NDUFB7: variants seen among roughly 807,000 people sequenced by gnomAD.
The protein encoded by NDUFB7 is NADH:ubiquinone oxidoreductase subunit B7, also known as NADH dehydrogenase [ubiquinone] 1 beta subcomplex subunit 7.
NDUFB7 carries 18 observed loss-of-function variants against 14.7 expected under a neutral mutation model. The ratio of observed to expected loss-of-function variants is 1.22; its 90% CI spans 0.85 to 1.81. The LOEUF is 1.81. Among genes scored for constraint, NDUFB7 ranks in the 40% most tolerant of loss-of-function variants. NDUFB7 has a pLI of 0.00. For synonymous variants in NDUFB7, 86 were observed against 76.1 expected, an observed-to-expected ratio of 1.13 and a Z score of -0.68; for missense variants, 219 against 195.0, an observed-to-expected ratio of 1.12 and a Z score of -0.73.
intron 1 of NDUFB7, 71 bp downstream of exon 1, chr19:14,571,818 G>T: frequency 7.0e-7 from 1 of 1,428,228 alleles, no homozygotes; most frequent in Non-Finnish European, 9.6e-7. Context: ...TGGGGTGCCA[G>T]CCCTGGGGTG....
At chr19:14,570,606 G>A (rs1478308864) in intron 1 of NDUFB7, among the ~76,000 whole-genome samples, 1 of 152,202 alleles carries the variant, frequency 6.6e-6, no homozygotes, top group Non-Finnish European at 1.5e-5. Context: ...CAAAGTGCTG[G>A]GATTACAGGC....
chr19:14,566,855 A>C lies in NDUFB7; in HGVS notation c.191T>G (p.Ile64Ser). Residue 64 changes from isoleucine (I) to serine (S), a missense_variant, in exon 2 of 3, where the codon ATC becomes AGC. Ile to Ser is a moderately radical substitution (Grantham distance 142). Transcript: ENST00000215565. Reference sequence around the variant, plus strand: ...GTCACGCTTGCACTTGAGCAGCCGGATGAGGTGGTGGGCGCAGTAGTCCCG... The same window carrying C: ...GTCACGCTTGCACTTGAGCAGCCGGCTGAGGTGGTGGGCGCAGTAGTCCCG... ...QLRDYCAHHL[I>S]RLLKCKRDSF... The C allele has an allele frequency of 2.5e-6, 4 of 1,569,428 alleles. No individual in the cohort carries two copies. Among genetic ancestry groups the C allele is most frequent in the South Asian group, 1.2e-5 (1 of 85,918 alleles).
At position 14,566,848 on chromosome 19, in the gene NDUFB7, C is replaced by T; in HGVS notation, c.198G>A (p.Leu66=). Residue 66 remains leucine (L), a synonymous_variant, in exon 2 of 3, where the codon CTG becomes CTA. Coordinates refer to ENST00000215565, the MANE Select transcript of NDUFB7 (RefSeq NM_004146.6). The part of the protein sequence containing the change: ...RDYCAHHLIR[L]LKCKRDSFPN... The stretch of plus-strand genomic sequence containing the variant: ...GGAAGCTGTCACGCTTGCACTTGAG[C>T]AGCCGGATGAGGTGGTGGGCGCAGT... 3 of 1,564,950 alleles carry T rather than the reference C, an allele frequency of 1.9e-6. No homozygotes were observed. The South Asian group carries it at 3.5e-5, about 18-fold the overall frequency.
chr19:14,568,123 C>T (rs1568437352), intron 1 of NDUFB7, among the ~76,000 whole-genome samples: 1 of 152,218 alleles, frequency 6.6e-6, no homozygotes, highest in Admixed American at 6.6e-5. Flanking sequence ...CAGCTCACTG[C>T]AACCCCTGTC....
In NDUFB7 at chr19:14,566,174, C is replaced by T. The variant is rs150282779; in HGVS notation, c.373G>A (p.Gly125Ser). ...REKKAAELAK[G>S]QGPGEVDPKV... The stretch of plus-strand genomic sequence containing the variant: ...GGGTCCACTTCCCCGGGTCCCTGGC[C>T]TTTGGCCAACTCTGCCGCCTTCTTC... Residue 125 changes from glycine (G) to serine (S), a missense_variant, in exon 3 of 3, where the codon GGC becomes AGC. By Grantham distance (56) the Gly-to-Ser change is moderately conservative. Transcript: ENST00000215565. The T allele has an allele frequency of 5.6e-6, 9 of 1,613,628 alleles. No individual in the cohort carries two copies. The highest frequency in any genetic ancestry group is 1.3e-5 in the African/African-American group (1 of 75,068).
rs1693736845 is a variant in NDUFB7 at position 14,566,226 on chromosome 19, C to G, written c.321G>C (p.Arg107Ser). Residue 107 changes from arginine to serine, a missense_variant, in exon 3 of 3, where the codon AGG becomes AGC. By Grantham distance (110) the Arg-to-Ser change is moderately radical. Transcript: ENST00000215565. Reference protein sequence around the residue: ...MRMKEFERERRLLQRKKRREK... With the variant: ...MRMKEFERERSLLQRKKRREK... ...CCCGCCGCTTCTTCCGCTGGAGCAGCCTCCGCTCCCGCTCAAACTCCTTCA... is the reference window on the plus strand; with the variant it reads ...CCCGCCGCTTCTTCCGCTGGAGCAGGCTCCGCTCCCGCTCAAACTCCTTCA... 2 of 1,614,002 alleles carry G rather than the reference C, an allele frequency of 1.2e-6. No individual in the cohort carries two copies. Among genetic ancestry groups the G allele is most frequent in the African/African-American group, 2.7e-5 (2 of 74,934 alleles).
At chr19:14,566,397 G>C (rs1026649578) in intron 2 of NDUFB7, 132 bp from the exon 3 acceptor site, 148 of 1,456,496 alleles carry the variant, frequency 1.0e-4, no homozygotes, top group Non-Finnish European at 1.3e-4. Flanking sequence ...GAGTGCCTGT[G>C]GCTTGGGTCT....
chr19:14,569,668 G>A (rs747026656), intron 1 of NDUFB7, among the ~76,000 whole-genome samples: 4 of 152,144 alleles, frequency 2.6e-5, no homozygotes, highest in Non-Finnish European at 4.4e-5. Flanking sequence ...CAGCTGGGGC[G>A]GAAGGACTAC....
chr19:14,569,013 A>G lies in NDUFB7; in HGVS notation c.113-2080T>C, dbSNP rs564344895. Among the ~76,000 whole-genome samples, 4 of 152,256 alleles carry G rather than the reference A, an allele frequency of 2.6e-5. No homozygotes were observed. In the South Asian group the frequency reaches 8.3e-4, roughly 32 times the overall value. Reference sequence around the variant, plus strand: ...AACATGGTAAAACCCTGTCTCTACTAAAAATACAAAAATGAGTCAGGTGTG... The same window carrying G: ...AACATGGTAAAACCCTGTCTCTACTGAAAATACAAAAATGAGTCAGGTGTG... On this transcript the variant is annotated intron_variant, in intron 1 of 2. Coordinates refer to ENST00000215565, the MANE Select transcript of NDUFB7 (RefSeq NM_004146.6).
rs2074091014 is a variant in NDUFB7, at chr19:14,566,761, T to C, written c.281+4A>G. The C allele has an allele frequency of 1.3e-6, 2 of 1,541,648 alleles. No homozygotes were observed. Among genetic ancestry groups the C allele is most frequent in the Non-Finnish European group, 1.7e-6 (2 of 1,145,708 alleles). The stretch of plus-strand genomic sequence containing the variant: ...GTGTTGGGGGCTGGTGTGGGGGTGC[T>C]CACTCGCGGTGCTCGCAGTAGTCCC... On this transcript the variant is annotated splice_donor_region_variant and intron_variant, in intron 2 of 2. Transcript: ENST00000215565.
chr19:14,566,988 G>A, intron 1 of NDUFB7, 55 bp from the exon 2 acceptor site: 1 of 1,505,230 alleles, frequency 6.6e-7, no homozygotes, highest in Non-Finnish European at 8.9e-7. Flanking sequence ...CCCAATTCCG[G>A]GGATCCCCAG....
chr19:14,566,344 G>T (rs2074084342), intron 2 of NDUFB7, 79 bp from the exon 3 acceptor site: 1 of 1,595,614 alleles, frequency 6.3e-7, no homozygotes. Context: ...CGGAGGGGCC[G>T]TCCCAGAGCA....
At chr19:14,568,745 C>T (rs371287693) in intron 1 of NDUFB7, among the ~76,000 whole-genome samples, 11 of 152,142 alleles carry the variant, frequency 7.2e-5, no homozygotes, top group Admixed American at 6.5e-5. Context: ...TATCTTTGCA[C>T]GGTAGTGCAC....
chr19:14,568,249 T>C (rs1249137326), intron 1 of NDUFB7, among the ~76,000 whole-genome samples: 1 of 152,220 alleles, frequency 6.6e-6, no homozygotes, highest in Non-Finnish European at 1.5e-5. Flanking sequence ...TTCGCCATGT[T>C]AGTCAGGCTG....
chr19:14,571,763 C>T (rs1026837465), intron 1 of NDUFB7, 126 bp downstream of exon 1: 1 of 893,100 alleles, frequency 1.1e-6, no homozygotes, highest in Non-Finnish European at 1.7e-6. Context: ...GACTCCTAGT[C>T]TAGACCCAAA....
intron 1 of NDUFB7, among the ~76,000 whole-genome samples, chr19:14,568,746 G>C (rs1409986103): frequency 6.6e-6 from 1 of 152,138 alleles, no homozygotes. Context: ...ATCTTTGCAC[G>C]GTAGTGCACA....
At chr19:14,570,692 C>T (rs1334563205) in intron 1 of NDUFB7, among the ~76,000 whole-genome samples, 1 of 152,168 alleles carries the variant, frequency 6.6e-6, no homozygotes, top group Non-Finnish European at 1.5e-5. Flanking sequence ...TTTGACACCC[C>T]CAGCTCTGCC....
In NDUFB7 at chr19:14,567,121, T is replaced by C. The variant is rs1267653156; in HGVS notation, c.113-188A>G. On this transcript the variant is annotated intron_variant, in intron 1 of 2. Coordinates refer to ENST00000215565, the MANE Select transcript of NDUFB7 (RefSeq NM_004146.6). This position sits in a 1 kb window ranked among gnomAD's most constrained non-coding sequence, Gnocchi z 5.1. The stretch of plus-strand genomic sequence containing the variant: ...GTCCTGAAGGGGCCTCCTTTTCTAA[T>C]TTGCACAAAGGCAACTCCAGACACC... Among the ~76,000 whole-genome samples the C allele has an allele frequency of 6.6e-6, 1 of 151,914 alleles. No individual in the cohort carries two copies. Among genetic ancestry groups the C allele is most frequent in the African/African-American group, 2.4e-5 (1 of 41,326 alleles).
chr19:14,566,900 G>A lies in NDUFB7; in HGVS notation c.146C>T (p.Ala49Val), dbSNP rs779753213. Residue 49 changes from alanine (A) to valine (V), a missense_variant, in exon 2 of 3, where the codon GCG (alanine) becomes GTG (valine). Physicochemically the swap from Ala to Val is moderately conservative, Grantham distance 64 (BLOSUM62 0). Transcript: ENST00000215565. ...GTCCCGCAGCTGGAGCCTCAGCTGC[G>A]CGTCCATCATCTCCTGCTGTGTGGC... ...MVATQQEMMD[A>V]QLRLQLRDYC... 31 of 1,584,832 alleles carry A rather than the reference G, an allele frequency of 2.0e-5. No homozygotes were observed. Among genetic ancestry groups the A allele is most frequent in the Non-Finnish European group, 2.3e-5 (27 of 1,169,328 alleles).
Sources: gnomAD v4.1 joint callset for allele counts (sites outside exome capture counted in the v4.1 genomes callset) on GRCh38, gnomAD v4.1.1 for gene constraint, Gnocchi (gnomAD v3.1) non-coding constraint, MANE v1.5 for transcripts, NCBI Gene and HGNC (gene_info 2026-07-23, HGNC 2026-07-21) for gene names.